The following CCNK variants were observed in gnomAD, a reference collection of about 807,000 sequenced individuals.
CCNK encodes cyclin K.
In CCNK, 9 loss-of-function variants were observed where a neutral mutation model predicts 65.0. That is an observed-to-expected ratio of 0.14 (90% CI 0.08 to 0.24). The LOEUF is 0.24. CCNK is among the 10% of genes least tolerant of loss of function. CCNK has a pLI of 1.00. For synonymous variants in CCNK, 279 were observed against 270.8 expected, an observed-to-expected ratio of 1.03 and a Z score of -0.30; for missense variants, 474 against 720.0, an observed-to-expected ratio of 0.66 and a Z score of 3.91.
intron 3 of CCNK, 79 bp from the exon 4 acceptor site, chr14:99,495,419 T>C: frequency 7.2e-7 from 1 of 1,381,422 alleles, no homozygotes; most frequent in Non-Finnish European, 9.7e-7. Context: ...ACCAGTTTAT[T>C]ACGAAGGCCA....
chr14:99,488,277 T>TAA (rs537283860), intron 1 of CCNK, among the ~76,000 whole-genome samples: 5 of 142,862 alleles, frequency 3.5e-5, no homozygotes, highest in Non-Finnish European at 6.2e-5. Flanking sequence ...TTCTTTTTTT[T>TAA]AAAAAAAAAA....
chr14:99,492,997 G>A (rs1896627170), intron 2 of CCNK, 123 bp downstream of exon 2: 3 of 823,088 alleles, frequency 3.6e-6, no homozygotes, highest in Admixed American at 3.7e-5. Flanking sequence ...TTAAATATCT[G>A]TTTGAATGTT....
chr14:99,498,580 T>A (rs190431835), intron 4 of CCNK, among the ~76,000 whole-genome samples: 1 of 152,206 alleles, frequency 6.6e-6, no homozygotes, highest in Non-Finnish European at 1.5e-5. Context: ...TTCTCTGTAA[T>A]ATTCGTTTCA....
intron 1 of CCNK, among the ~76,000 whole-genome samples, chr14:99,488,853 T>C (rs1275120216): frequency 6.6e-6 from 1 of 152,136 alleles, no homozygotes; most frequent in Non-Finnish European, 1.5e-5. Context: ...TATTTTTCTT[T>C]TTGCTATTCA....
At chr14:99,502,118 T>C in intron 6 of CCNK, 89 bp from the exon 7 acceptor site, 1 of 1,362,372 alleles carries the variant, frequency 7.3e-7, no homozygotes, top group South Asian at 1.7e-5. Context: ...AATAAGCAAA[T>C]TAATGGTTAG....
At chr14:99,482,489 G>A (rs928525043) in intron 1 of CCNK, among the ~76,000 whole-genome samples, 8 of 152,214 alleles carry the variant, frequency 5.3e-5, no homozygotes, top group Non-Finnish European at 1.0e-4. Context: ...TTGGATTAAA[G>A]TGCCCTTAGG....
rs949282511 is a variant in CCNK, at chr14:99,486,875, G to C, written c.-53+5396G>C. Reference sequence around the variant, plus strand: ...CATTATGTTCTCTCCCCTTACATGCGTTATTATTTGTGGCACTTAAGATTC... The same window carrying C: ...CATTATGTTCTCTCCCCTTACATGCCTTATTATTTGTGGCACTTAAGATTC... On this transcript the variant is annotated intron_variant, in intron 1 of 10. Coordinates refer to ENST00000389879, the MANE Select transcript of CCNK (RefSeq NM_001099402.2). Among the ~76,000 whole-genome samples, 9 of 70,240 alleles carry C rather than the reference G, an allele frequency of 1.3e-4. No individual in the cohort carries two copies. The Admixed American group carries it at 1.7e-3, about 14-fold the overall frequency. 46.1% of individuals were successfully genotyped at this position (70,240 alleles called of 152,430 possible).
chr14:99,487,805 A>C (rs887314408), intron 1 of CCNK, among the ~76,000 whole-genome samples: 1 of 152,240 alleles, frequency 6.6e-6, no homozygotes, highest in Non-Finnish European at 1.5e-5. Context: ...CCATACACTT[A>C]TAATTAGTTC....
Position 99,502,380 on chromosome 14 carries a change from C to CCAGG in CCNK, c.745+7_745+10dup. The CCAGG allele has an allele frequency of 1.2e-6, 2 of 1,612,928 alleles. No individual in the cohort carries two copies. Among genetic ancestry groups the CCAGG allele is most frequent in the Non-Finnish European group, 1.7e-6 (2 of 1,179,386 alleles). On this transcript the variant is annotated splice_donor_region_variant and intron_variant, in intron 7 of 10. Transcript: ENST00000389879. Reference sequence around the variant, plus strand: ...GTCCCGGTCGACGTTTTGGAAGGTACCAGGCATGCTAAGCGTTCTCGTGAG... The same window carrying CCAGG: ...GTCCCGGTCGACGTTTTGGAAGGTACCAGGCAGGCATGCTAAGCGTTCTCGTGAG...
At chr14:99,482,631 C>A (rs1390305970) in intron 1 of CCNK, among the ~76,000 whole-genome samples, 1 of 152,134 alleles carries the variant, frequency 6.6e-6, no homozygotes, top group East Asian at 1.9e-4. Flanking sequence ...TATTGTGATG[C>A]ATTATTCAAG....
At chr14:99,505,332 A>AG (rs1411787884) in intron 9 of CCNK, 2 of 152,234 alleles carry the variant, frequency 1.3e-5, no homozygotes, top group African/African-American at 4.8e-5. Context: ...GCCATGCCGA[A>AG]GGCTACTGGC....
chr14:99,495,264 C>A, intron 3 of CCNK: 1 of 254,850 alleles, frequency 3.9e-6, no homozygotes, highest in Non-Finnish European at 7.3e-6. Context: ...TCTTTGTTTA[C>A]ATGACTTTTT....
At chr14:99,496,838 G>C (rs1206978850) in intron 4 of CCNK, among the ~76,000 whole-genome samples, 2 of 151,738 alleles carry the variant, frequency 1.3e-5, no homozygotes, top group African/African-American at 2.4e-5. Flanking sequence ...GCTTAAGCCT[G>C]GGAGGCAGAG....
intron 7 of CCNK, 81 bp from the exon 8 acceptor site, chr14:99,502,637 TA>T: frequency 7.4e-7 from 1 of 1,346,536 alleles, no homozygotes. Flanking sequence ...CTCGTAGGGG[TA>T]TCATAACTGA....
intron 1 of CCNK, among the ~76,000 whole-genome samples, chr14:99,485,370 A>G (rs955651577): frequency 2.4e-4 from 37 of 152,078 alleles, no homozygotes; most frequent in African/African-American, 7.7e-4. Context: ...TATACTTCCT[A>G]GAGAATATGG....
At chr14:99,493,626 G>A (rs1439994285) in intron 3 of CCNK, 31 bp downstream of exon 3, 1 of 1,393,082 alleles carries the variant, frequency 7.2e-7, no homozygotes, top group Non-Finnish European at 1.0e-6. Context: ...GTAATTCTCT[G>A]TCATATGTTA....
At chr14:99,497,507 A>G (rs1036069084) in intron 4 of CCNK, among the ~76,000 whole-genome samples, 5 of 152,236 alleles carry the variant, frequency 3.3e-5, no homozygotes, top group African/African-American at 9.6e-5. Flanking sequence ...TGCCTCATTC[A>G]GTGGCAGGAC....
At chr14:99,490,744 G>A (rs1005769181) in intron 1 of CCNK, among the ~76,000 whole-genome samples, 6 of 151,978 alleles carry the variant, frequency 3.9e-5, no homozygotes, top group African/African-American at 1.2e-4. Flanking sequence ...CGGCTAACAC[G>A]GCGAAACCCC....
At position 99,492,666 on chromosome 14, in the gene CCNK, C is replaced by T; in HGVS notation, c.-12C>T. 1 of 1,593,332 alleles carries T rather than the reference C, an allele frequency of 6.3e-7. No homozygotes were observed. Among genetic ancestry groups the T allele is most frequent in the South Asian group, 1.1e-5 (1 of 86,984 alleles). On this transcript the variant is annotated 5_prime_UTR_variant, in exon 2 of 11. Coordinates refer to ENST00000389879, the MANE Select transcript of CCNK (RefSeq NM_001099402.2). Reference sequence around the variant, plus strand: ...AGAGAACCTTTTGGAAAGAACAAGCCTACTTCAATAAATGAAGGAGAATAA... The same window carrying T: ...AGAGAACCTTTTGGAAAGAACAAGCTTACTTCAATAAATGAAGGAGAATAA...
Sources: gnomAD v4.1 joint callset for allele counts (sites outside exome capture counted in the v4.1 genomes callset) on GRCh38, gnomAD v4.1.1 for gene constraint, MANE v1.5 for transcripts, NCBI Gene and HGNC (gene_info 2026-07-23, HGNC 2026-07-21) for gene names.